Variants in TRIM5 observed in about 807,000 individuals in gnomAD.
TRIM5 encodes the protein tripartite motif containing 5, also known as tripartite motif-containing protein 5.
In TRIM5, 31 loss-of-function variants were observed where a neutral mutation model predicts 35.6. The observed-to-expected ratio is 0.87, with a 90% CI of 0.65 to 1.18. The LOEUF is 1.18. Among genes scored for constraint, TRIM5 ranks in the 50% most tolerant of loss-of-function variants. TRIM5 has a pLI of 0.00. For missense variants in TRIM5, 609 were observed against 591.6 expected (o/e 1.03, Z -0.31); for synonymous variants, 243 against 215.6 (o/e 1.13, Z -1.11).
the TRIM5 span, among the ~76,000 whole-genome samples, chr11:5,609,364 C>A: frequency 8.5e-5 from 13 of 152,244 alleles, no homozygotes; most frequent in African/African-American, 3.1e-4. Context: ...TGAGAAATCC[C>A]AGGGCCTAAG....
At chr11:5,634,643 A>T in the TRIM5 span, 4 of 1,613,136 alleles carry the variant, frequency 2.5e-6, 1 homozygote, top group South Asian at 4.4e-5. Flanking sequence ...TCAGGTACAA[A>T]CTGAGAGACA....
At chr11:5,634,738 AAAG>A in the TRIM5 span, 1 of 1,613,928 alleles carries the variant, frequency 6.2e-7, no homozygotes, top group East Asian at 2.2e-5. Context: ...AAGAAGAAGA[AAAG>A]AAGACGCTGG....
At chr11:5,682,910 C>G (rs896844828) in intron 1 of TRIM5, among the ~76,000 whole-genome samples, 4 of 152,220 alleles carry the variant, frequency 2.6e-5, no homozygotes, top group African/African-American at 7.2e-5. Flanking sequence ...TGGCCAAGGC[C>G]GGAGCTGGCT....
At chr11:5,608,894 A>G in the TRIM5 span, among the ~76,000 whole-genome samples, 1 of 119,906 alleles carries the variant, frequency 8.3e-6, no homozygotes, top group African/African-American at 3.4e-5. Flanking sequence ...TCTGTCGCCC[A>G]GGCTGGAGTG....
In TRIM5 at chr11:5,664,389, C is replaced by G. The variant is rs55723753; in HGVS notation, c.*420G>C. On this transcript the variant is annotated 3_prime_UTR_variant, in exon 8 of 8. Coordinates refer to ENST00000380034, the MANE Select transcript of TRIM5 (RefSeq NM_033034.3). ...CTCTTTAACTCACAAATAAGGGCAT[C>G]GAGGGTAAACTGACACAGGGCTAAG... The G allele has an allele frequency of 1.7e-5, 17 of 994,738 alleles. No individual in the cohort carries two copies. In the African/African-American group the frequency reaches 2.8e-4, roughly 16 times the overall value. The allele number at this position is 994,738 out of a possible 1,614,324, so 61.6% of individuals were successfully genotyped here.
At chr11:5,639,408 C>T in the TRIM5 span, among the ~76,000 whole-genome samples, 9 of 151,938 alleles carry the variant, frequency 5.9e-5, no homozygotes, top group East Asian at 1.9e-4. Flanking sequence ...AGGCCAGGCG[C>T]GGTGGCTCAC....
At chr11:5,612,204 G>T in the TRIM5 span, 30 of 152,160 alleles carry the variant, frequency 2.0e-4, no homozygotes, top group African/African-American at 6.5e-4. Context: ...TTACATTCTT[G>T]TAATATCTTT....
chr11:5,617,945 A>G, the TRIM5 span, among the ~76,000 whole-genome samples: 1 of 150,982 alleles, frequency 6.6e-6, no homozygotes, highest in Non-Finnish European at 1.5e-5. Context: ...CAGGGCAGCA[A>G]AATTCAGAGG....
chr11:5,597,086 A>G, the TRIM5 span, among the ~76,000 whole-genome samples: 70 of 151,720 alleles, frequency 4.6e-4, no homozygotes, highest in African/African-American at 1.6e-3. Flanking sequence ...CAGTCAGTCA[A>G]TAGAGACAGA....
the TRIM5 span, among the ~76,000 whole-genome samples, chr11:5,616,834 G>C: frequency 1.4e-5 from 2 of 142,340 alleles, 1 homozygote; most frequent in African/African-American, 5.1e-5. Flanking sequence ...CTGCCTCCTG[G>C]GTTCAAGCGA....
At chr11:5,639,403 A>G in the TRIM5 span, among the ~76,000 whole-genome samples, 49,343 of 151,812 alleles carry the variant, frequency 0.33, 8,972 homozygotes, top group East Asian at 0.62. Flanking sequence ...ATTGGAGGCC[A>G]GGCGCGGTGG....
chr11:5,608,466 A>G, the TRIM5 span: 3 of 1,599,126 alleles, frequency 1.9e-6, no homozygotes, highest in Non-Finnish European at 1.7e-6. Flanking sequence ...ATCAGTGGGA[A>G]AGGGAAGAAG....
chr11:5,672,648 G>T (rs1035005846), intron 4 of TRIM5, among the ~76,000 whole-genome samples: 3 of 152,020 alleles, frequency 2.0e-5, no homozygotes, highest in Admixed American at 6.6e-5. Context: ...TAAGATAAAA[G>T]AATCTATAGT....
At position 5,678,267 on chromosome 11, in the gene TRIM5, G is replaced by A. The variant is rs1409963370; in HGVS notation, c.681C>T (p.Ser227=). The A allele has an allele frequency of 1.2e-6, 2 of 1,614,060 alleles. No individual in the cohort carries two copies. The highest frequency in any genetic ancestry group is 2.2e-5 in the East Asian group (1 of 44,884). The part of the protein sequence containing the change: ...SETEMVQQTQ[S]LRELISDLEH... Reference sequence around the variant, plus strand: ...CCAGATCTGAGATGAGCTCTCTCAGGGACTGGGTCTGCTGCACCATCTCAG... The same window carrying A: ...CCAGATCTGAGATGAGCTCTCTCAGAGACTGGGTCTGCTGCACCATCTCAG... Residue 227 remains serine (S), a synonymous_variant, in exon 4 of 8, where the codon TCC becomes TCT. Transcript: ENST00000380034.
At chr11:5,644,694 G>T in the TRIM5 span, among the ~76,000 whole-genome samples, 1 of 152,136 alleles carries the variant, frequency 6.6e-6, no homozygotes, top group Non-Finnish European at 1.5e-5. Context: ...CGTGTGTCGG[G>T]GGGGTGGTGG....
In TRIM5 at chr11:5,663,276, T is replaced by A. The variant is rs1365344115; in HGVS notation, c.*1533A>T. 6.3e-6 allele frequency: 6 copies of A among 951,732 alleles called. No homozygotes were observed. The African/African-American group carries it at 1.1e-4, about 17-fold the overall frequency. 59.0% of individuals were successfully genotyped at this position (951,732 alleles called of 1,614,324 possible). On this transcript the variant is annotated 3_prime_UTR_variant, in exon 8 of 8. Coordinates refer to ENST00000380034, the MANE Select transcript of TRIM5 (RefSeq NM_033034.3). ...AGCTAATTTTATTATAATTATTTTT[T>A]ACAATTAATAAACTGATTCCCACAT...
chr11:5,616,539 A>C, the TRIM5 span, among the ~76,000 whole-genome samples: 3 of 145,158 alleles, frequency 2.1e-5, no homozygotes, highest in Non-Finnish European at 4.6e-5. Context: ...TTGTGCATAC[A>C]GTCTAGCCCT....
intron 5 of TRIM5, chr11:5,666,344 C>T (rs1217807120): frequency 2.0e-6 from 1 of 507,708 alleles, no homozygotes; most frequent in Non-Finnish European, 3.6e-6. Context: ...AATAATTAAC[C>T]TCTCCCTGTC....
intron 4 of TRIM5, chr11:5,669,849 C>T (rs1350969615): frequency 1.7e-5 from 3 of 180,444 alleles, no homozygotes; most frequent in African/African-American, 2.4e-5. Context: ...CATACGCATG[C>T]CTATAATCCC....
Sources: allele counts gnomAD v4.1 joint callset (sites outside exome capture counted in the v4.1 genomes callset), GRCh38; gene constraint gnomAD v4.1.1; transcripts MANE v1.5; gene names NCBI Gene and HGNC (gene_info 2026-07-23, HGNC 2026-07-21).